Variants in NEDD4L observed in about 807,000 individuals in gnomAD.
NEDD4L encodes the protein E3 ubiquitin-protein ligase NEDD4-like.
In NEDD4L, 54 loss-of-function variants were observed where a neutral mutation model predicts 148.9. The ratio of observed to expected loss-of-function variants is 0.36; its 90% CI spans 0.29 to 0.45. The LOEUF (loss-of-function observed/expected upper bound fraction) is 0.45. Ranked by LOEUF, NEDD4L falls within the 20% of genes least tolerant of loss-of-function variation. NEDD4L has a pLI of 1.00. For missense variants in NEDD4L, 856 were observed against 1,233.8 expected, an observed-to-expected ratio of 0.69 and a Z score of 4.59; for synonymous variants, 433 against 440.7, an observed-to-expected ratio of 0.98 and a Z score of 0.22.
At chr18:58,394,303 G>A (rs2050204077) in intron 30 of NEDD4L, among the ~76,000 whole-genome samples, 1 of 152,246 alleles carries the variant, frequency 6.6e-6, no homozygotes, top group Non-Finnish European at 1.5e-5. Flanking sequence ...GCAAAGCGGT[G>A]AAGCATTAAG....
chr18:58,337,710 G>A (rs1032781727), intron 13 of NEDD4L, among the ~76,000 whole-genome samples: 30 of 151,968 alleles, frequency 2.0e-4, no homozygotes, highest in African/African-American at 7.3e-4. Context: ...TTAATTTCCC[G>A]ACATTCAAGG....
chr18:58,233,000 T>C (rs530982828), intron 2 of NEDD4L, among the ~76,000 whole-genome samples: 66 of 152,244 alleles, frequency 4.3e-4, no homozygotes, highest in Non-Finnish European at 3.4e-4. Flanking sequence ...CATTTCTAAG[T>C]CCAAAAAGCC....
chr18:58,320,533 G>T (rs1240759150), intron 6 of NEDD4L, among the ~76,000 whole-genome samples: 1 of 152,216 alleles, frequency 6.6e-6, no homozygotes, highest in African/African-American at 2.4e-5. Context: ...TTGTTGGTTG[G>T]CAGGGCATGG....
chr18:58,149,503 A>G, intron 1 of NEDD4L: 1 of 1,551,220 alleles, frequency 6.4e-7, no homozygotes, highest in Non-Finnish European at 8.7e-7. Context: ...CTTTCCTTTA[A>G]TGCACTAAAC....
intron 5 of NEDD4L, among the ~76,000 whole-genome samples, chr18:58,261,800 AC>A (rs1398173062): frequency 6.6e-6 from 1 of 152,234 alleles, no homozygotes; most frequent in African/African-American, 2.4e-5. Flanking sequence ...AAAAATAATT[AC>A]CTGCATATTA....
At chr18:58,138,488 A>G (rs561887392) in intron 1 of NEDD4L, among the ~76,000 whole-genome samples, 2 of 151,922 alleles carry the variant, frequency 1.3e-5, no homozygotes, top group African/African-American at 2.4e-5. Context: ...GTTTTTGGAT[A>G]CATTACGAAG....
intron 2 of NEDD4L, among the ~76,000 whole-genome samples, chr18:58,213,152 TGGGA>T (rs375316699): frequency 0.44 from 67,291 of 151,846 alleles, 16,323 homozygotes; most frequent in African/African-American, 0.66. Flanking sequence ...TATGGGCAGT[TGGGA>T]AATTGAAAAG....
intron 7 of NEDD4L, among the ~76,000 whole-genome samples, chr18:58,322,730 TTGCATGCTGTGGGTGTAGGTGGGGA>T (rs2058930490): frequency 8.7e-6 from 1 of 114,526 alleles, no homozygotes; most frequent in African/African-American, 3.4e-5. Context: ...GATGCCTGCC[TTGCATGCTGTGGGTGTAGGTGGGGA>T]TGCCTGCCTT....
chr18:58,113,227 C>T (rs2085527808), intron 1 of NEDD4L, among the ~76,000 whole-genome samples: 3 of 152,226 alleles, frequency 2.0e-5, no homozygotes, highest in Non-Finnish European at 4.4e-5. Context: ...TTGGTCAACA[C>T]ACTTTATTGA....
At chr18:58,379,596 C>G (rs939354379) in intron 24 of NEDD4L, among the ~76,000 whole-genome samples, 1 of 152,202 alleles carries the variant, frequency 6.6e-6, no homozygotes, top group Non-Finnish European at 1.5e-5. Flanking sequence ...TCTCCAACCC[C>G]CATGGAGCCT....
At chr18:58,116,257 C>G (rs1342113422) in intron 1 of NEDD4L, among the ~76,000 whole-genome samples, 1 of 152,184 alleles carries the variant, frequency 6.6e-6, no homozygotes, top group Non-Finnish European at 1.5e-5. Context: ...TGTGAGTCAC[C>G]AAATCAACCA....
chr18:58,093,804 G>A (rs1240936761), intron 1 of NEDD4L, among the ~76,000 whole-genome samples: 1 of 152,192 alleles, frequency 6.6e-6, no homozygotes, highest in Non-Finnish European at 1.5e-5. Flanking sequence ...GAACTTTTCA[G>A]AAGAATGATA....
At chr18:58,342,046 G>A (rs2042499856) in intron 15 of NEDD4L, among the ~76,000 whole-genome samples, 1 of 152,144 alleles carries the variant, frequency 6.6e-6, no homozygotes, top group Admixed American at 6.5e-5. Flanking sequence ...GCTGGACGTG[G>A]GCACTCTCTT....
At chr18:58,179,819 A>G (rs542561499) in intron 2 of NEDD4L, among the ~76,000 whole-genome samples, 36 of 152,176 alleles carry the variant, frequency 2.4e-4, no homozygotes, top group African/African-American at 8.2e-4. Flanking sequence ...AGAGTTGTAT[A>G]ATTATTTCAT....
chr18:58,303,537 C>T (rs1424609272), intron 5 of NEDD4L, among the ~76,000 whole-genome samples: 1 of 152,214 alleles, frequency 6.6e-6, no homozygotes, highest in Non-Finnish European at 1.5e-5. Flanking sequence ...GGAGCTCCGC[C>T]TTTGGTCTCA....
chr18:58,335,464 A>C lies in NEDD4L; in HGVS notation c.1066-14A>C. On this transcript the variant is annotated splice_polypyrimidine_tract_variant and intron_variant, in intron 12 of 30. Coordinates refer to ENST00000400345, the MANE Select transcript of NEDD4L (RefSeq NM_001144967.3). ...CCCTAAGTGCATTTCACTGATGTAA[A>C]TTATCATTCACAGCCCAGTGCCCCA... 11 of 1,611,908 alleles carry C rather than the reference A, an allele frequency of 6.8e-6. No individual in the cohort carries two copies. Among genetic ancestry groups the C allele is most frequent in the Non-Finnish European group, 9.3e-6 (11 of 1,178,114 alleles).
chr18:58,175,174 C>G (rs560853620), intron 2 of NEDD4L, among the ~76,000 whole-genome samples: 1 of 152,208 alleles, frequency 6.6e-6, no homozygotes, highest in Non-Finnish European at 1.5e-5. Flanking sequence ...TAATACAAAT[C>G]GAGATTTCCA....
chr18:58,332,575 G>A (rs1200635045), intron 11 of NEDD4L, among the ~76,000 whole-genome samples: 1 of 152,142 alleles, frequency 6.6e-6, no homozygotes, highest in African/African-American at 2.4e-5. Flanking sequence ...TTGAACCCAG[G>A]AGGCAGAGGT....
At chr18:58,105,387 C>T (rs1207208690) in intron 1 of NEDD4L, among the ~76,000 whole-genome samples, 1 of 152,198 alleles carries the variant, frequency 6.6e-6, no homozygotes, top group Non-Finnish European at 1.5e-5. Context: ...TTCCCCTCTC[C>T]ACCAGAGACT....
Sources: gnomAD v4.1 joint callset for allele counts (sites outside exome capture counted in the v4.1 genomes callset) on GRCh38, gnomAD v4.1.1 for gene constraint, MANE v1.5 for transcripts, NCBI Gene and HGNC (gene_info 2026-07-23, HGNC 2026-07-21) for gene names.